VMP1: variants seen among roughly 807,000 people sequenced by gnomAD.
VMP1 encodes the protein vacuole membrane protein 1.
Under a neutral mutation model 56.0 loss-of-function variants are expected in VMP1, and 11 were observed. The observed-to-expected ratio is 0.20, with a 90% confidence interval of 0.12 to 0.32. The LOEUF is 0.32. VMP1 is among the 10% of genes least tolerant of loss of function. The probability of loss-of-function intolerance (pLI) is 1.00; values close to 1 mark genes in which losing one functional copy is unlikely to be tolerated. For missense variants in VMP1, 296 were observed against 490.3 expected, an observed-to-expected ratio of 0.60 and a Z score of 3.74; for synonymous variants, 149 against 165.0, an observed-to-expected ratio of 0.90 and a Z score of 0.74.
chr17:59,784,151 G>GAA (rs2036927815), intron 7 of VMP1, among the ~76,000 whole-genome samples: 9 of 151,232 alleles, frequency 6.0e-5, no homozygotes, highest in Admixed American at 2.6e-4. Flanking sequence ...GTGAGAGAGA[G>GAA]AGAGAGATTG....
intron 7 of VMP1, among the ~76,000 whole-genome samples, chr17:59,795,598 TC>T (rs2037411321): frequency 6.6e-6 from 1 of 151,630 alleles, no homozygotes; most frequent in South Asian, 2.1e-4. Context: ...TCAGCTGAGC[TC>T]AGGAGTTCAA....
chr17:59,804,886 G>A (rs1049671661), intron 7 of VMP1, among the ~76,000 whole-genome samples: 1 of 152,026 alleles, frequency 6.6e-6, no homozygotes, highest in Non-Finnish European at 1.5e-5. Flanking sequence ...GTAAATGTTT[G>A]TAGATTATTT....
At chr17:59,722,579 G>A (rs1281678676) in intron 1 of VMP1, among the ~76,000 whole-genome samples, 1 of 152,142 alleles carries the variant, frequency 6.6e-6, no homozygotes, top group Non-Finnish European at 1.5e-5. Flanking sequence ...AGTGGCTTAT[G>A]CCCATAACCC....
chr17:59,737,377 G>A, intron 3 of VMP1, 76 bp from the exon 4 acceptor site: 1 of 1,460,916 alleles, frequency 6.8e-7, no homozygotes, highest in Non-Finnish European at 9.3e-7. Flanking sequence ...AACTGTTTCA[G>A]CAAGAAATTG....
chr17:59,757,859 C>CTTTTTTTTTTTTTT lies in VMP1; in HGVS notation c.415-7100_415-7087dup, dbSNP rs66605258. On this transcript the variant is annotated intron_variant, in intron 5 of 11. Coordinates refer to ENST00000262291, the MANE Select transcript of VMP1 (RefSeq NM_030938.5). ...AAATAAAACAGACCTTTATTTGCCA[C>CTTTTTTTTTTTTTT]TTTTTTTTTTTTTTTTTTTTTTTTT... Among the ~76,000 whole-genome samples, 46 of 91,290 alleles carry CTTTTTTTTTTTTTT rather than the reference C, an allele frequency of 5.0e-4. 1 individual carries two copies. Among genetic ancestry groups the CTTTTTTTTTTTTTT allele is most frequent in the African/African-American group, 1.6e-3 (39 of 24,102 alleles). 59.9% of individuals were successfully genotyped at this position (91,290 alleles called of 152,430 possible).
intron 10 of VMP1, among the ~76,000 whole-genome samples, chr17:59,824,293 C>T (rs546925026): frequency 1.1e-4 from 16 of 151,692 alleles, no homozygotes; most frequent in Admixed American, 8.5e-4. Context: ...TGGCTGGGGC[C>T]GGGCATGATG....
intron 1 of VMP1, among the ~76,000 whole-genome samples, chr17:59,712,646 A>G (rs1259094401): frequency 3.9e-5 from 6 of 152,206 alleles, no homozygotes; most frequent in Non-Finnish European, 5.9e-5. Context: ...CAATGTGGAT[A>G]TATGCTTATT....
At chr17:59,777,673 G>T (rs1013436001) in intron 7 of VMP1, among the ~76,000 whole-genome samples, 1 of 152,066 alleles carries the variant, frequency 6.6e-6, no homozygotes, top group African/African-American at 2.4e-5. Flanking sequence ...AATTAGCTGG[G>T]TGTGGTCGTA....
chr17:59,773,998 A>G (rs1219827680), intron 7 of VMP1, 113 bp downstream of exon 7: 2 of 1,086,762 alleles, frequency 1.8e-6, no homozygotes, highest in Non-Finnish European at 2.4e-6. Context: ...TAAAAAAAAA[A>G]AAAAGAAAGA....
At chr17:59,773,402 A>ATTTTTTTTTTTTTTT (rs34893138) in intron 6 of VMP1, among the ~76,000 whole-genome samples, 1 of 146,722 alleles carries the variant, frequency 6.8e-6, no homozygotes, top group African/African-American at 2.5e-5. Flanking sequence ...TTGTCTCAAG[A>ATTTTTTTTTTTTTTT]TTTTTTTTTT....
At position 59,808,748 on chromosome 17, in the gene VMP1, C is replaced by G. The variant is rs200441564; in HGVS notation, c.715-48C>G. 1.6e-4 allele frequency: 233 copies of G among 1,447,654 alleles called. 1 individual carries two copies. In the African/African-American group the frequency reaches 2.0e-3, roughly 12 times the overall value. The allele number at this position is 1,447,654 out of a possible 1,614,324, so 89.7% of individuals were successfully genotyped here. A position where few individuals can be genotyped will look rare whatever the true frequency, so the allele number is the denominator to read the frequency against. ...TAAACTCTAGAAAGAACCATCTTTC[C>G]TTCTTTTCCTACTTCTCATTAATGT... On this transcript the variant is annotated intron_variant, in intron 7 of 11. Transcript: ENST00000262291.
chr17:59,818,413 G>A (rs950188778), intron 10 of VMP1, among the ~76,000 whole-genome samples: 2 of 151,924 alleles, frequency 1.3e-5, no homozygotes, highest in Non-Finnish European at 2.9e-5. Context: ...ATGTTAGATG[G>A]CATAATATTA....
chr17:59,790,339 A>G (rs917734378), intron 7 of VMP1, among the ~76,000 whole-genome samples: 4 of 152,156 alleles, frequency 2.6e-5, no homozygotes, highest in Non-Finnish European at 5.9e-5. Flanking sequence ...TATATTTTAG[A>G]TTTTTTTGCC....
intron 1 of VMP1, among the ~76,000 whole-genome samples, chr17:59,716,204 A>G (rs1449521868): frequency 6.6e-6 from 1 of 152,158 alleles, no homozygotes; most frequent in Non-Finnish European, 1.5e-5. Flanking sequence ...CCAAGTCCAA[A>G]TTCGGTAGTT....
At chr17:59,796,536 A>G (rs1456596202) in intron 7 of VMP1, among the ~76,000 whole-genome samples, 1 of 152,210 alleles carries the variant, frequency 6.6e-6, no homozygotes, top group African/African-American at 2.4e-5. Flanking sequence ...CTGATTTCTG[A>G]AAAAGGTTTC....
At chr17:59,714,753 T>A (rs1477459013) in intron 1 of VMP1, among the ~76,000 whole-genome samples, 2 of 152,140 alleles carry the variant, frequency 1.3e-5, no homozygotes, top group Non-Finnish European at 2.9e-5. Flanking sequence ...CTCTGCAACC[T>A]TGACCTCCTA....
rs1019037368 is a variant in VMP1 at position 59,773,696 on chromosome 17, A to G, written c.583-58A>G. On this transcript the variant is annotated intron_variant, in intron 6 of 11. Transcript: ENST00000262291. ...ATATAGAAGAGTATGGGTTTGATCTATTAAGTGTCACTGTTGATAACAGAA... is the reference window on the plus strand; with the variant it reads ...ATATAGAAGAGTATGGGTTTGATCTGTTAAGTGTCACTGTTGATAACAGAA... 9 of 1,507,018 alleles carry G rather than the reference A, an allele frequency of 6.0e-6. No individual in the cohort carries two copies. The African/African-American group carries it at 9.8e-5, about 16-fold the overall frequency. 93.4% of individuals were successfully genotyped at this position (1,507,018 alleles called of 1,614,324 possible).
chr17:59,723,663 TG>T (rs1307423924), intron 1 of VMP1, among the ~76,000 whole-genome samples: 4 of 151,882 alleles, frequency 2.6e-5, no homozygotes, highest in Non-Finnish European at 5.9e-5. Context: ...GAATGAAAAA[TG>T]GGAAATACTG....
At chr17:59,761,676 T>G (rs1420585614) in intron 5 of VMP1, among the ~76,000 whole-genome samples, 2 of 152,192 alleles carry the variant, frequency 1.3e-5, no homozygotes, top group African/African-American at 4.8e-5. Context: ...ACTCTGGGAA[T>G]TGGTCAGTTT....
Sources: allele counts gnomAD v4.1 joint callset (sites outside exome capture counted in the v4.1 genomes callset), GRCh38; gene constraint gnomAD v4.1.1; transcripts MANE v1.5; gene names NCBI Gene and HGNC (gene_info 2026-07-23, HGNC 2026-07-21).